TENM3: variants seen among roughly 807,000 people sequenced by gnomAD.
TENM3 encodes teneurin transmembrane protein 3, also known as teneurin-3.
Under a neutral mutation model 255.1 loss-of-function variants are expected in TENM3, and 63 were observed. The observed-to-expected ratio is 0.25, with a 90% CI of 0.20 to 0.30. TENM3 has a LOEUF of 0.30. TENM3 is among the 10% of genes least tolerant of loss of function. The pLI is 1.00. For missense variants in TENM3, 2,929 were observed against 3,461.1 expected (o/e 0.85, Z 3.86); for synonymous variants, 1,306 against 1,322.3 (o/e 0.99, Z 0.27).
At chr4:182,172,180 A>G (rs1430034163) in intron 1 of TENM3, among the ~76,000 whole-genome samples, 2 of 152,122 alleles carry the variant, frequency 1.3e-5, no homozygotes, top group African/African-American at 4.8e-5. Flanking sequence ...GTTTTTATAA[A>G]TTTGAATTTG....
the TENM3 span, among the ~76,000 whole-genome samples, chr4:181,509,272 A>C: frequency 6.6e-6 from 1 of 152,192 alleles, no homozygotes; most frequent in Non-Finnish European, 1.5e-5. Flanking sequence ...TGGGTGAATT[A>C]TCAGAGACAA....
intron 3 of TENM3, among the ~76,000 whole-genome samples, chr4:182,489,578 C>T (rs1036586379): frequency 2.6e-5 from 4 of 152,108 alleles, no homozygotes; most frequent in Non-Finnish European, 4.4e-5. Context: ...GTTATAAAAA[C>T]ACCATACTGT....
At chr4:182,032,489 G>A in the TENM3 span, among the ~76,000 whole-genome samples, 7 of 152,054 alleles carry the variant, frequency 4.6e-5, no homozygotes, top group Non-Finnish European at 8.8e-5. Flanking sequence ...GATGTTCATC[G>A]GGGATATTGG....
the TENM3 span, among the ~76,000 whole-genome samples, chr4:182,064,926 A>C: frequency 6.6e-6 from 1 of 152,242 alleles, no homozygotes. Context: ...GCAGAAAAAC[A>C]AAAACAGAAC....
At chr4:181,959,568 G>C in the TENM3 span, among the ~76,000 whole-genome samples, 1 of 152,136 alleles carries the variant, frequency 6.6e-6, no homozygotes, top group African/African-American at 2.4e-5. Context: ...GCAACAAAGG[G>C]TAGCCAGCTT....
the TENM3 span, among the ~76,000 whole-genome samples, chr4:181,892,327 A>G: frequency 1.3e-5 from 2 of 152,168 alleles, no homozygotes; most frequent in African/African-American, 4.8e-5. Flanking sequence ...TTCCCGTGTC[A>G]TACTATGGTT....
At chr4:182,160,877 A>G (rs968618549) in intron 1 of TENM3, among the ~76,000 whole-genome samples, 1 of 151,542 alleles carries the variant, frequency 6.6e-6, no homozygotes, top group Non-Finnish European at 1.5e-5. Context: ...GGAAATGCTA[A>G]CTAGCCTGAT....
At chr4:181,496,801 C>G in the TENM3 span, among the ~76,000 whole-genome samples, 1 of 152,128 alleles carries the variant, frequency 6.6e-6, no homozygotes, top group Non-Finnish European at 1.5e-5. Flanking sequence ...TGTTTTTATA[C>G]TTATGAGCCC....
chr4:182,634,707 T>TAAAAAAAAA (rs11395245), intron 5 of TENM3, among the ~76,000 whole-genome samples: 2 of 116,414 alleles, frequency 1.7e-5, no homozygotes, highest in South Asian at 3.2e-4. Context: ...ACTCTGAAAT[T>TAAAAAAAAA]AAAAAAAAAA....
chr4:182,561,039 A>G (rs1455635455), intron 3 of TENM3, among the ~76,000 whole-genome samples: 2 of 152,290 alleles, frequency 1.3e-5, no homozygotes, highest in African/African-American at 4.8e-5. Context: ...GAACATTTCC[A>G]ACGGGTCTTA....
the TENM3 span, among the ~76,000 whole-genome samples, chr4:181,544,951 A>G: frequency 1.3e-5 from 2 of 152,234 alleles, no homozygotes; most frequent in Non-Finnish European, 2.9e-5. Flanking sequence ...AGCTAGAAGC[A>G]GATGAAATTA....
intron 7 of TENM3, among the ~76,000 whole-genome samples, chr4:182,674,063 C>G (rs1755449714): frequency 6.6e-6 from 1 of 152,102 alleles, no homozygotes; most frequent in African/African-American, 2.4e-5. Flanking sequence ...TACGTTAGTA[C>G]ATAGAGGAAT....
intron 1 of TENM3, among the ~76,000 whole-genome samples, chr4:182,189,170 A>G (rs897428096): frequency 6.6e-6 from 1 of 151,002 alleles, no homozygotes; most frequent in South Asian, 2.1e-4. Context: ...CTATTTTTTC[A>G]CTTGATAAAG....
intron 3 of TENM3, among the ~76,000 whole-genome samples, chr4:182,467,155 A>G (rs1376828314): frequency 1.3e-5 from 2 of 152,222 alleles, no homozygotes; most frequent in African/African-American, 4.8e-5. Context: ...GGCACTCAAA[A>G]TGTAGTTATA....
rs1248796293 is a variant in TENM3, at chr4:182,357,583, A to C, written c.511+10654A>C. Among the ~76,000 whole-genome samples, 202 of 144,482 alleles carry C rather than the reference A, an allele frequency of 1.4e-3. 1 individual carries two copies. Among genetic ancestry groups the C allele is most frequent in the African/African-American group, 4.9e-3 (192 of 39,150 alleles). 94.8% of individuals were successfully genotyped at this position (144,482 alleles called of 152,430 possible). A position where few individuals can be genotyped will look rare whatever the true frequency, so the allele number is the denominator to read the frequency against. On this transcript the variant is annotated intron_variant, in intron 3 of 27. Coordinates refer to ENST00000511685, the MANE Select transcript of TENM3 (RefSeq NM_001080477.4). ...GGGGTTGTTTGTTTTTTTCTTGTGA[A>C]TTTGTTTGAGTTCATTGTAGATTCT...
At chr4:182,024,568 G>A in the TENM3 span, among the ~76,000 whole-genome samples, 280 of 152,054 alleles carry the variant, frequency 1.8e-3, 1 homozygote, top group South Asian at 7.1e-3. Context: ...AATTTATGTG[G>A]GTACATAGCA....
At chr4:182,750,509 G>A (rs1433651760) in intron 19 of TENM3, among the ~76,000 whole-genome samples, 3 of 151,904 alleles carry the variant, frequency 2.0e-5, no homozygotes, top group Non-Finnish European at 4.4e-5. Flanking sequence ...GAATGATAAA[G>A]TACAGCTATT....
chr4:181,738,755 A>C, the TENM3 span, among the ~76,000 whole-genome samples: 1 of 152,082 alleles, frequency 6.6e-6, no homozygotes, highest in Non-Finnish European at 1.5e-5. Flanking sequence ...AGGGGTTAAT[A>C]GCTATGAGTA....
chr4:182,020,572 G>A, the TENM3 span, among the ~76,000 whole-genome samples: 1 of 152,068 alleles, frequency 6.6e-6, no homozygotes, highest in Non-Finnish European at 1.5e-5. Context: ...ACAAAGAAAT[G>A]AGAAAGATTT....
Sources: allele counts gnomAD v4.1 joint callset (sites outside exome capture counted in the v4.1 genomes callset), GRCh38; gene constraint gnomAD v4.1.1; transcripts MANE v1.5; gene names NCBI Gene and HGNC (gene_info 2026-07-23, HGNC 2026-07-21).